Variants in MARK1 observed in about 807,000 individuals in gnomAD.
MARK1 encodes the protein serine/threonine-protein kinase MARK1.
In MARK1, 40 loss-of-function variants were observed where a neutral mutation model predicts 96.3. The ratio of observed to expected loss-of-function variants is 0.42; its 90% CI spans 0.32 to 0.54. MARK1 has a LOEUF of 0.54. MARK1 is among the 20% of genes least tolerant of loss of function. The pLI is 0.16. For missense variants in MARK1, 719 were observed against 984.6 expected, an observed-to-expected ratio of 0.73 and a Z score of 3.61; for synonymous variants, 317 against 341.2, an observed-to-expected ratio of 0.93 and a Z score of 0.78.
chr1:220,647,823 A>T (rs1159714191), intron 13 of MARK1, among the ~76,000 whole-genome samples: 1 of 152,230 alleles, frequency 6.6e-6, no homozygotes, highest in East Asian at 1.9e-4. Context: ...GTTCTCACTT[A>T]TAAGTGGGAG....
chr1:220,601,140 G>A (rs973951641), intron 5 of MARK1, among the ~76,000 whole-genome samples: 3 of 151,876 alleles, frequency 2.0e-5, no homozygotes, highest in Non-Finnish European at 2.9e-5. Context: ...GGATGGTCTC[G>A]ATCTCCTGAC....
At chr1:220,611,404 GTCTGCT>G (rs1356655401) in intron 6 of MARK1, among the ~76,000 whole-genome samples, 1 of 152,260 alleles carries the variant, frequency 6.6e-6, no homozygotes, top group Non-Finnish European at 1.5e-5. Context: ...GAATCACCTT[GTCTGCT>G]GGTTGCTAAG....
At chr1:220,572,617 T>C (rs1187071960) in intron 1 of MARK1, among the ~76,000 whole-genome samples, 2 of 152,204 alleles carry the variant, frequency 1.3e-5, no homozygotes, top group Admixed American at 1.3e-4. Context: ...TGGTTTTGTT[T>C]TCACATATAC....
intron 1 of MARK1, among the ~76,000 whole-genome samples, chr1:220,540,219 T>C (rs1485790981): frequency 1.3e-5 from 2 of 152,194 alleles, no homozygotes; most frequent in Non-Finnish European, 2.9e-5. Flanking sequence ...GTCACAGTAT[T>C]TCATCTGAAA....
intron 3 of MARK1, among the ~76,000 whole-genome samples, chr1:220,590,986 C>T (rs1232146327): frequency 6.6e-6 from 1 of 152,098 alleles, no homozygotes; most frequent in Non-Finnish European, 1.5e-5. Flanking sequence ...TTTGGCCCTG[C>T]CTACACGTCT....
At position 220,618,213 on chromosome 1, in the gene MARK1, G is replaced by A; in HGVS notation, c.553-97G>A. 2 of 748,004 alleles carry A rather than the reference G, an allele frequency of 2.7e-6. No individual in the cohort carries two copies. The highest frequency in any genetic ancestry group is 1.8e-5 in the South Asian group (1 of 55,272). 46.3% of individuals were successfully genotyped at this position (748,004 alleles called of 1,614,324 possible). Reference sequence around the variant, plus strand: ...TTGATACTACATTTAGAAATGAGGGGCAAGAGATATGTAAGTTTGGAAGCT... The same window carrying A: ...TTGATACTACATTTAGAAATGAGGGACAAGAGATATGTAAGTTTGGAAGCT... On this transcript the variant is annotated intron_variant, in intron 7 of 17. Transcript: ENST00000366917. This position sits in a 1 kb window ranked among gnomAD's most constrained non-coding sequence, Gnocchi z 4.6.
intron 13 of MARK1, 34 bp downstream of exon 13, chr1:220,636,060 G>A (rs1180175799): frequency 3.5e-6 from 5 of 1,414,674 alleles, no homozygotes; most frequent in African/African-American, 2.9e-5. Context: ...GCAATTTATT[G>A]TAATAACTTG....
intron 6 of MARK1, 46 bp from the exon 7 acceptor site, chr1:220,615,893 G>A (rs1294241443): frequency 1.0e-6 from 1 of 991,590 alleles, no homozygotes; most frequent in Non-Finnish European, 1.5e-6. Context: ...GGGGAAAATT[G>A]CGTTTTTTTA....
chr1:220,572,263 CAG>C (rs1423522861), intron 1 of MARK1, among the ~76,000 whole-genome samples: 1 of 151,652 alleles, frequency 6.6e-6, no homozygotes, highest in Non-Finnish European at 1.5e-5. Context: ...TTTTTGGAGA[CAG>C]AGTTTCAGTC....
intron 1 of MARK1, among the ~76,000 whole-genome samples, chr1:220,574,942 A>G (rs1446862008): frequency 1.3e-5 from 2 of 152,208 alleles, no homozygotes; most frequent in African/African-American, 2.4e-5. Context: ...CTAATATGTT[A>G]TCTGACTTTT....
chr1:220,588,419 A>T (rs1027113372), intron 3 of MARK1, among the ~76,000 whole-genome samples: 1 of 152,228 alleles, frequency 6.6e-6, no homozygotes, highest in Admixed American at 6.5e-5. Flanking sequence ...TCCTTCTATT[A>T]CTTTGCAATG....
chr1:220,578,738 C>G (rs1010641857), intron 1 of MARK1, among the ~76,000 whole-genome samples: 50 of 152,202 alleles, frequency 3.3e-4, no homozygotes, highest in African/African-American at 1.2e-3. Context: ...TCATCACAAC[C>G]TAAAGCGATA....
chr1:220,572,676 C>G (rs1339099040), intron 1 of MARK1, among the ~76,000 whole-genome samples: 1 of 152,184 alleles, frequency 6.6e-6, no homozygotes, highest in Non-Finnish European at 1.5e-5. Flanking sequence ...TTGCTTTGAA[C>G]AGTCATATGT....
At chr1:220,541,917 A>T (rs895116757) in intron 1 of MARK1, among the ~76,000 whole-genome samples, 5 of 152,128 alleles carry the variant, frequency 3.3e-5, no homozygotes, top group African/African-American at 1.2e-4. Context: ...TACTATTGCC[A>T]TTTTGTTAAC....
chr1:220,566,566 A>G (rs1427254443), intron 1 of MARK1, among the ~76,000 whole-genome samples: 1 of 152,186 alleles, frequency 6.6e-6, no homozygotes, highest in East Asian at 1.9e-4. Flanking sequence ...GAGTGGATGT[A>G]AATACACTGT....
chr1:220,533,853 A>G (rs150442777), intron 1 of MARK1, among the ~76,000 whole-genome samples: 1 of 152,260 alleles, frequency 6.6e-6, no homozygotes, highest in African/African-American at 2.4e-5. Context: ...GCGAAAATTT[A>G]TCATTCTATC....
At chr1:220,537,931 G>A (rs538840853) in intron 1 of MARK1, among the ~76,000 whole-genome samples, 1 of 151,968 alleles carries the variant, frequency 6.6e-6, no homozygotes, top group Non-Finnish European at 1.5e-5. Context: ...TTTTGATGGG[G>A]TTGTTTGTTT....
chr1:220,574,630 A>G (rs1365614217), intron 1 of MARK1, among the ~76,000 whole-genome samples: 1 of 152,006 alleles, frequency 6.6e-6, no homozygotes, highest in Non-Finnish European at 1.5e-5. Context: ...TTCCCTTAAG[A>G]CTTTGCCTGC....
In MARK1 at chr1:220,615,942, G is replaced by T. The variant is rs535686841; in HGVS notation, c.499G>T (p.Val167Leu). 2.0e-6 allele frequency: 3 copies of T among 1,522,506 alleles called. No individual in the cohort carries two copies. The highest frequency in any genetic ancestry group is 2.7e-6 in the Non-Finnish European group (3 of 1,113,488). 94.3% of individuals were successfully genotyped at this position (1,522,506 alleles called of 1,614,324 possible). ...TTTATCCAAATGTTTATTCCAGATT[G>T]TATCTGCTGTACAGTATTGTCATCA... is the stretch of plus-strand genomic sequence containing the variant. Reference protein sequence around the residue: ...KEARAKFRQIVSAVQYCHQKY... With the variant: ...KEARAKFRQILSAVQYCHQKY... The change falls in exon 7 of 18, where the codon GTA becomes TTA. Residue 167 changes from valine (V) to leucine (L), a missense_variant. Physicochemically the swap from Val to Leu is conservative, Grantham distance 32. Transcript: ENST00000366917.
Sources: allele counts gnomAD v4.1 joint callset (sites outside exome capture counted in the v4.1 genomes callset), GRCh38; gene constraint gnomAD v4.1.1; non-coding constraint Gnocchi (gnomAD v3.1); transcripts MANE v1.5; gene names NCBI Gene and HGNC (gene_info 2026-07-23, HGNC 2026-07-21).